Variants in INSR observed in about 807,000 individuals in gnomAD.
INSR encodes the protein IR.
In INSR, 67 loss-of-function variants were observed where a neutral mutation model predicts 142.6. The observed-to-expected ratio is 0.47, with a 90% confidence interval of 0.39 to 0.58. INSR has a LOEUF of 0.58. Ranked by LOEUF, INSR falls within the 20% of genes least tolerant of loss-of-function variation. The pLI is 0.00. For synonymous variants in INSR, 756 were observed against 743.1 expected (o/e 1.02, Z -0.28); for missense variants, 1,248 against 1,833.2 (o/e 0.68, Z 5.83).
chr19:7,289,735 A>T (rs1160194905), intron 1 of INSR, among the ~76,000 whole-genome samples: 1 of 152,066 alleles, frequency 6.6e-6, no homozygotes, highest in Non-Finnish European at 1.5e-5. Flanking sequence ...GAGGAGAAAG[A>T]GCAAGAGCCC....
At chr19:7,211,976 C>T (rs1308407800) in intron 2 of INSR, among the ~76,000 whole-genome samples, 1 of 152,082 alleles carries the variant, frequency 6.6e-6, no homozygotes, top group Non-Finnish European at 1.5e-5. Context: ...GTGGATAATT[C>T]CCCCATCACT....
Position 7,119,857 on chromosome 19 carries a change from C to G in INSR, c.3660-274G>C. Among the ~76,000 whole-genome samples the G allele has an allele frequency of 4.5e-5, 2 of 44,918 alleles. No individual in the cohort carries two copies. The highest frequency in any genetic ancestry group is 0.02 in the Middle Eastern group (2 of 100). The allele number at this position is 44,918 out of a possible 152,430, so 29.5% of individuals were successfully genotyped here. On this transcript the variant is annotated intron_variant, in intron 20 of 21. Transcript: ENST00000302850. This position sits in a 1 kb window ranked among gnomAD's most constrained non-coding sequence, Gnocchi z 5.2. ...ACACACACCCAAACACACACACGCA[C>G]ACACATGCAAACACACACAAACACA...
intron 2 of INSR, among the ~76,000 whole-genome samples, chr19:7,258,118 G>GC (rs1403531978): frequency 1.3e-5 from 2 of 152,170 alleles, no homozygotes; most frequent in Non-Finnish European, 2.9e-5. Context: ...GAGCCACCAT[G>GC]CCCGGCCAAA....
chr19:7,253,652 A>G (rs1308860249), intron 2 of INSR, among the ~76,000 whole-genome samples: 3 of 152,200 alleles, frequency 2.0e-5, no homozygotes, highest in Non-Finnish European at 2.9e-5. Flanking sequence ...CCCCAGGATG[A>G]TAGGTAACCA....
At chr19:7,128,647 T>C (rs2144822146) in intron 15 of INSR, among the ~76,000 whole-genome samples, 1 of 152,280 alleles carries the variant, frequency 6.6e-6, no homozygotes, top group South Asian at 2.1e-4. Context: ...AATAAAAACA[T>C]TCTGTGAGAA....
chr19:7,157,403 C>A (rs1973623064), intron 9 of INSR, among the ~76,000 whole-genome samples: 1 of 149,838 alleles, frequency 6.7e-6, no homozygotes, highest in African/African-American at 2.5e-5. Flanking sequence ...GCGTGAGCCA[C>A]TGCGCCCAGC....
At chr19:7,270,557 G>C (rs1471861769) in intron 1 of INSR, among the ~76,000 whole-genome samples, 1 of 151,878 alleles carries the variant, frequency 6.6e-6, no homozygotes, top group Admixed American at 6.6e-5. Context: ...TTTAAAGTCA[G>C]CCTGGGCAAC....
chr19:7,236,963 C>A lies in INSR; in HGVS notation c.652+30382G>T, dbSNP rs1231883777. On this transcript the variant is annotated intron_variant, in intron 2 of 21. Transcript: ENST00000302850. ...AATGGCATGAACCCAGGAGACAGAGCTTGCAGTGAGCCGAGATCGCGCCAC... is the reference window on the plus strand; with the variant it reads ...AATGGCATGAACCCAGGAGACAGAGATTGCAGTGAGCCGAGATCGCGCCAC... Among the ~76,000 whole-genome samples the A allele has an allele frequency of 2.0e-5, 3 of 149,522 alleles. No individual in the cohort carries two copies. In the Admixed American group the frequency reaches 2.0e-4, roughly 10 times the overall value.
At chr19:7,177,521 T>C (rs941728966) in intron 3 of INSR, among the ~76,000 whole-genome samples, 11 of 151,498 alleles carry the variant, frequency 7.3e-5, no homozygotes, top group African/African-American at 2.7e-4. Flanking sequence ...GTTTTTTTGT[T>C]TTGTTTTTGT....
intron 2 of INSR, among the ~76,000 whole-genome samples, chr19:7,246,160 T>C (rs1419189553): frequency 1.3e-5 from 2 of 152,170 alleles, no homozygotes; most frequent in Non-Finnish European, 2.9e-5. Flanking sequence ...CTTTGGCAGA[T>C]GGCAAACAGG....
chr19:7,282,845 C>A lies in INSR; in HGVS notation c.100+10947G>T, dbSNP rs527289172. ...AAAATTAGCCGGGGGCAGTGGCGGGCGCCTGTAGTCCCTGCTACTCAGGAG... is the reference window on the plus strand; with the variant it reads ...AAAATTAGCCGGGGGCAGTGGCGGGAGCCTGTAGTCCCTGCTACTCAGGAG... On this transcript the variant is annotated intron_variant, in intron 1 of 21. Transcript: ENST00000302850. Among the ~76,000 whole-genome samples the A allele has an allele frequency of 1.6e-3, 219 of 138,080 alleles. 1 individual carries two copies. Among genetic ancestry groups the A allele is most frequent in the African/African-American group, 5.4e-3 (196 of 36,562 alleles). 90.6% of individuals were successfully genotyped at this position (138,080 alleles called of 152,430 possible).
rs1404160286 is a variant in INSR at position 7,193,563 on chromosome 19, CA to C, written c.653-8927del. ...GCAGGAGGGGGGAGGACACATGGGA[CA>C]TATGTCCCTCTGAAAGGGACACAAA... On this transcript the variant is annotated intron_variant, in intron 2 of 21. Transcript: ENST00000302850. Among the ~76,000 whole-genome samples the C allele has an allele frequency of 2.0e-5, 3 of 151,886 alleles. No individual in the cohort carries two copies. In the East Asian group the frequency reaches 5.9e-4, roughly 30 times the overall value.
intron 2 of INSR, among the ~76,000 whole-genome samples, chr19:7,226,658 G>A (rs1033384285): frequency 5.5e-4 from 83 of 149,686 alleles, no homozygotes; most frequent in South Asian, 1.7e-3. Flanking sequence ...AGCCCAAGAG[G>A]TCAAGGCTAC....
chr19:7,128,440 C>T (rs1368164151), intron 15 of INSR, among the ~76,000 whole-genome samples: 1 of 151,986 alleles, frequency 6.6e-6, no homozygotes, highest in East Asian at 1.9e-4. Flanking sequence ...TCTCAAACTC[C>T]TGACCTCAGG....
intron 13 of INSR, among the ~76,000 whole-genome samples, chr19:7,136,848 T>TA (rs71177159): frequency 1.3e-4 from 19 of 143,206 alleles, no homozygotes; most frequent in African/African-American, 3.9e-4. Context: ...TATATATATA[T>TA]TGAGATGGTG....
chr19:7,238,617 CAAAAAAAAAAAA>C (rs796144540), intron 2 of INSR, among the ~76,000 whole-genome samples: 2 of 68,986 alleles, frequency 2.9e-5, no homozygotes, highest in Non-Finnish European at 5.1e-5. Context: ...TGCTCCATCT[CAAAAAAAAAAAA>C]AAAAAAAAAA....
chr19:7,193,483 G>C (rs1014753724), intron 2 of INSR, among the ~76,000 whole-genome samples: 6 of 151,170 alleles, frequency 4.0e-5, no homozygotes, highest in Admixed American at 1.3e-4. Flanking sequence ...CTGCACTCCA[G>C]CCTGGCGACA....
In INSR at chr19:7,187,085, T is replaced by A. The variant is rs956914257; in HGVS notation, c.653-2448A>T. On this transcript the variant is annotated intron_variant, in intron 2 of 21. Transcript: ENST00000302850. ...GAATAATATAGGATTTATTCTTTTT[T>A]AAAAAATTTATTTTGAGATGGAGTC... Among the ~76,000 whole-genome samples, 8 of 151,996 alleles carry A rather than the reference T, an allele frequency of 5.3e-5. No homozygotes were observed. The East Asian group carries it at 7.7e-4, about 15-fold the overall frequency.
At chr19:7,132,022 A>C (rs1050355054) in intron 14 of INSR, 136 bp downstream of exon 14, 5 of 1,046,828 alleles carry the variant, frequency 4.8e-6, no homozygotes, top group Non-Finnish European at 5.9e-6. Flanking sequence ...GAGGGCAAGC[A>C]CCGCAGCAGC....
Sources: gnomAD v4.1 joint callset for allele counts (sites outside exome capture counted in the v4.1 genomes callset) on GRCh38, gnomAD v4.1.1 for gene constraint, Gnocchi (gnomAD v3.1) non-coding constraint, MANE v1.5 for transcripts, NCBI Gene and HGNC (gene_info 2026-07-23, HGNC 2026-07-21) for gene names.